Variants in ST8SIA5 observed in about 807,000 individuals in gnomAD.
ST8SIA5 encodes the protein ST8 alpha-N-acetyl-neuraminide alpha-2,8-sialyltransferase 5.
In ST8SIA5, 24 loss-of-function variants were observed where a neutral mutation model predicts 40.2. The ratio of observed to expected loss-of-function variants is 0.60; its 90% confidence interval spans 0.43 to 0.84. The LOEUF (loss-of-function observed/expected upper bound fraction) is 0.84, where lower values mean the gene tolerates loss of function less well. ST8SIA5 is among the 40% of genes least tolerant of loss of function. The pLI, the probability that ST8SIA5 is intolerant of heterozygous loss-of-function variation, is 0.00. For synonymous variants in ST8SIA5, 198 were observed against 201.8 expected (o/e 0.98, Z 0.16); for missense variants, 465 against 498.5 (o/e 0.93, Z 0.64).
chr18:46,716,413 A>T (rs1248442351), intron 1 of ST8SIA5, among the ~76,000 whole-genome samples: 1 of 152,032 alleles, frequency 6.6e-6, no homozygotes, highest in Non-Finnish European at 1.5e-5. Context: ...GAGGTCTTCC[A>T]CACTCCATCC....
chr18:46,699,758 CAT>C (rs2144493584), intron 2 of ST8SIA5, among the ~76,000 whole-genome samples: 5 of 152,332 alleles, frequency 3.3e-5, no homozygotes, highest in Admixed American at 2.6e-4. Flanking sequence ...TCATTTAACA[CAT>C]GAGTACTGAG....
intron 1 of ST8SIA5, among the ~76,000 whole-genome samples, chr18:46,717,343 C>CT (rs112669935): frequency 5.3e-5 from 8 of 150,338 alleles, no homozygotes; most frequent in Admixed American, 1.3e-4. Flanking sequence ...CCCGTCTCTA[C>CT]TTTTTTTTTT....
At chr18:46,685,961 A>T (rs565322501) in intron 5 of ST8SIA5, 1 of 588,520 alleles carries the variant, frequency 1.7e-6, no homozygotes, top group East Asian at 2.8e-5. Context: ...CACATCTCCC[A>T]TTGTGCAGAT....
chr18:46,743,572 A>G (rs1181483273), intron 1 of ST8SIA5, among the ~76,000 whole-genome samples: 2 of 152,232 alleles, frequency 1.3e-5, no homozygotes, highest in Admixed American at 1.3e-4. Flanking sequence ...ATGTGAAAAG[A>G]CCAAATCTAC....
rs1382284798 is a variant in ST8SIA5 at position 46,688,890 on chromosome 18, G to A, written c.341C>T (p.Pro114Leu). 1 of 1,614,002 alleles carries A rather than the reference G, an allele frequency of 6.2e-7. No individual in the cohort carries two copies. Among genetic ancestry groups the A allele is most frequent in the East Asian group, 2.2e-5 (1 of 44,882 alleles). ...KSTLSRCCNA[P>L]AFLFTTQKNT... ...CTTCTGGGTGGTGAAGAGAAAGGCA[G>A]GGGCGTTGCAGCACCTGGACAGAGT... The change falls in exon 4 of 7, where the codon CCT becomes CTT. Residue 114 changes from proline to leucine, a missense_variant. Transcript: ENST00000315087.
At chr18:46,753,422 A>T (rs1195728251) in intron 1 of ST8SIA5, among the ~76,000 whole-genome samples, 2 of 152,036 alleles carry the variant, frequency 1.3e-5, no homozygotes, top group African/African-American at 4.8e-5. Context: ...AATACAAAAA[A>T]TTAGCTGGGT....
intron 1 of ST8SIA5, among the ~76,000 whole-genome samples, chr18:46,743,172 C>T (rs1006168515): frequency 1.4e-4 from 21 of 152,224 alleles, no homozygotes; most frequent in Non-Finnish European, 2.5e-4. Context: ...AGGATCACAG[C>T]TCCTCGCCAG....
intron 2 of ST8SIA5, among the ~76,000 whole-genome samples, chr18:46,695,215 T>C (rs897911377): frequency 2.0e-5 from 3 of 151,814 alleles, no homozygotes; most frequent in Admixed American, 6.6e-5. Context: ...TAGAGGCATG[T>C]CCTGTGTTTA....
In ST8SIA5 at chr18:46,668,103, G is replaced by A. The variant is rs2039285840; in HGVS notation, c.*11939C>T. ...ACAGCCTTTCTCTCCAGGGCCAGGG[G>A]AGGGAGAAAATCAGCAGAGCAAGCA... On this transcript the variant is annotated 3_prime_UTR_variant, in exon 7 of 7. Transcript: ENST00000315087. 6.6e-6 allele frequency: 1 copy of A among 152,254 alleles called. No individual in the cohort carries two copies. The highest frequency in any genetic ancestry group is 1.5e-5 in the Non-Finnish European group (1 of 68,060). 9.4% of individuals were successfully genotyped at this position (152,254 alleles called of 1,614,324 possible).
rs1568267687 is a variant in ST8SIA5, at chr18:46,719,674, C to CCTT, written c.132-15011_132-15010insAAG. 4.6e-5 allele frequency among the ~76,000 whole-genome samples: 7 copies of CCTT among 151,112 alleles called. No individual in the cohort carries two copies. The South Asian group carries it at 1.3e-3, about 27-fold the overall frequency. On this transcript the variant is annotated intron_variant, in intron 1 of 6. Transcript: ENST00000315087. ...GACTCGCCTTTCTATCTTTCTCTTTCTTTTCTTTTTTCTTTCTTTCTTTCT... is the reference window on the plus strand; with the variant it reads ...GACTCGCCTTTCTATCTTTCTCTTTCCTTTTTTCTTTTTTCTTTCTTTCTTTCT...
Position 46,671,330 on chromosome 18 carries a change from T to C in ST8SIA5, c.*8712A>G, listed in dbSNP as rs966738859. 1 of 152,194 alleles carries C rather than the reference T, an allele frequency of 6.6e-6. No homozygotes were observed. Among genetic ancestry groups the C allele is most frequent in the Non-Finnish European group, 1.5e-5 (1 of 68,046 alleles). 9.4% of individuals were successfully genotyped at this position (152,194 alleles called of 1,614,324 possible). On this transcript the variant is annotated 3_prime_UTR_variant, in exon 7 of 7. Transcript: ENST00000315087. The stretch of plus-strand genomic sequence containing the variant: ...AGCTCAAGCCTGTTCCAAAGTATGA[T>C]AGAAAAGGAAATGCATAAAGAAGTG...
rs577996497 is a variant in ST8SIA5, at chr18:46,721,533, G to A, written c.132-16869C>T. ...TGCTGGGTTAAGCCTGCCTACCAGA[G>A]AGCCACATTCTGTTGCTGTGCCCAA... On this transcript the variant is annotated intron_variant, in intron 1 of 6. Transcript: ENST00000315087. 1,274 of 1,366,990 alleles carry A rather than the reference G, an allele frequency of 9.3e-4. 32 individuals carry two copies. In the South Asian group the frequency reaches 0.015, roughly 16 times the overall value. 84.7% of individuals were successfully genotyped at this position (1,366,990 alleles called of 1,614,324 possible).
chr18:46,690,613 C>CTTTT (rs34766517), intron 3 of ST8SIA5, among the ~76,000 whole-genome samples: 1,848 of 116,902 alleles, frequency 0.016, 93 homozygotes, highest in Admixed American at 0.025. Context: ...GCTGCTGAGA[C>CTTTT]TTTTTTTTTT....
At chr18:46,749,421 G>A (rs1045372767) in intron 1 of ST8SIA5, among the ~76,000 whole-genome samples, 13 of 152,120 alleles carry the variant, frequency 8.5e-5, no homozygotes, top group Admixed American at 5.2e-4. Context: ...AAATGAGGAT[G>A]TTCACTCCGA....
chr18:46,725,702 A>G (rs1278739037), intron 1 of ST8SIA5, among the ~76,000 whole-genome samples: 1 of 151,946 alleles, frequency 6.6e-6, no homozygotes, highest in Non-Finnish European at 1.5e-5. Flanking sequence ...TAACTGCATA[A>G]TTTTCAAAAC....
chr18:46,709,654 A>G (rs1417986387), intron 1 of ST8SIA5, among the ~76,000 whole-genome samples: 3 of 152,232 alleles, frequency 2.0e-5, no homozygotes, highest in Non-Finnish European at 4.4e-5. Flanking sequence ...AGATGCTCAC[A>G]TGACAATGTT....
chr18:46,709,859 T>C (rs1268776578), intron 1 of ST8SIA5, among the ~76,000 whole-genome samples: 1 of 152,228 alleles, frequency 6.6e-6, no homozygotes. Context: ...ATGATTCTTT[T>C]ATTATTGGAA....
chr18:46,700,670 G>C (rs1178928298), intron 2 of ST8SIA5, among the ~76,000 whole-genome samples: 1 of 152,174 alleles, frequency 6.6e-6, no homozygotes, highest in Admixed American at 6.5e-5. Context: ...TGTAGAAGAG[G>C]GAGGGCATGC....
rs144458820 is a variant in ST8SIA5 at position 46,688,789 on chromosome 18, G to A, written c.442C>T (p.Arg148Cys). The A allele has an allele frequency of 7.3e-4, 1,184 of 1,613,262 alleles. No homozygotes were observed. The highest frequency in any genetic ancestry group is 9.4e-4 in the Non-Finnish European group (1,108 of 1,179,630). Reference protein sequence around the residue: ...GIYHINQEIFRMFPKDMPYYR... With the variant: ...GIYHINQEIFCMFPKDMPYYR... ...CAAAGCAGCACCTTGGGAAACATGC[G>A]GAAGATCTCCTGGTTGATGTGGTAG... The change falls in exon 4 of 7, where the codon CGC becomes TGC. Residue 148 changes from arginine to cysteine, a missense_variant. Arg to Cys is a radical substitution (Grantham distance 180). Coordinates refer to ENST00000315087, the MANE Select transcript of ST8SIA5 (RefSeq NM_013305.6).
Sources: gnomAD v4.1 joint callset for allele counts (sites outside exome capture counted in the v4.1 genomes callset) on GRCh38, gnomAD v4.1.1 for gene constraint, MANE v1.5 for transcripts, NCBI Gene and HGNC (gene_info 2026-07-23, HGNC 2026-07-21) for gene names.